The following NUP37 variants were observed in gnomAD, a reference collection of about 807,000 sequenced individuals.
NUP37 encodes nucleoporin 37.
A neutral mutation model predicts 45.4 loss-of-function variants in NUP37; 33 were observed. That is an observed-to-expected ratio of 0.73 (90% CI 0.55 to 0.97). NUP37 has a LOEUF of 0.97. NUP37 is among the 50% of genes least tolerant of loss of function. NUP37 has a pLI of 0.00. For missense variants in NUP37, 365 were observed against 389.7 expected (o/e 0.94, Z 0.53); for synonymous variants, 127 against 130.7 (o/e 0.97, Z 0.19).
intron 6 of NUP37, among the ~76,000 whole-genome samples, chr12:102,083,496 G>T (rs971848197): frequency 3.3e-5 from 5 of 152,234 alleles, no homozygotes; most frequent in African/African-American, 1.2e-4. Context: ...TGTGAAAGCT[G>T]CGAGAAGATT....
intron 6 of NUP37, among the ~76,000 whole-genome samples, chr12:102,079,984 G>A (rs1400034162): frequency 6.6e-6 from 1 of 152,152 alleles, no homozygotes; most frequent in African/African-American, 2.4e-5. Flanking sequence ...ATAAAGTTTA[G>A]TGAGGAGGGA....
At chr12:102,075,163 G>C (rs1879134505) in intron 8 of NUP37, 69 bp from the exon 9 acceptor site, 2 of 997,712 alleles carry the variant, frequency 2.0e-6, no homozygotes, top group South Asian at 1.7e-5. Context: ...TCTGAAGCGG[G>C]CTTTTTCTTT....
intron 2 of NUP37, chr12:102,115,653 T>C (rs561725888): frequency 5.4e-6 from 1 of 185,614 alleles, no homozygotes; most frequent in South Asian, 1.8e-4. Flanking sequence ...CAGAAGCTCA[T>C]ATGTCCATCA....
intron 2 of NUP37, among the ~76,000 whole-genome samples, chr12:102,117,994 C>T (rs951649317): frequency 6.6e-6 from 1 of 152,122 alleles, no homozygotes; most frequent in Non-Finnish European, 1.5e-5. Context: ...GTTTTTTGGG[C>T]TCTCAACATT....
At position 102,097,407 on chromosome 12, in the gene NUP37, GAGT is replaced by G. The variant is rs1308982936; in HGVS notation, c.449+1696_449+1698del. Among the ~76,000 whole-genome samples, 6 of 152,180 alleles carry G rather than the reference GAGT, an allele frequency of 3.9e-5. No individual in the cohort carries two copies. In the South Asian group the frequency reaches 1.2e-3, roughly 32 times the overall value. ...TTAGTTATTCCTTTCCTACTTTTTA[GAGT>G]AATAATGTCCTTTCTTTTACAAAAT... On this transcript the variant is annotated intron_variant, in intron 5 of 9. Transcript: ENST00000552283.
Position 102,085,756 on chromosome 12 carries a change from AAAT to A in NUP37, c.540+7_540+9del. ...CAATTTGATAAGAGAGTTAAATTAT[AAAT>A]AATAACCTTAAAAGTCTCCTCAGGA... On this transcript the variant is annotated splice_region_variant and intron_variant, in intron 6 of 9. Transcript: ENST00000552283. 7.4e-7 allele frequency: 1 copy of A among 1,349,572 alleles called. No individual in the cohort carries two copies. The highest frequency in any genetic ancestry group is 1.5e-5 in the African/African-American group (1 of 67,872). 83.6% of individuals were successfully genotyped at this position (1,349,572 alleles called of 1,614,324 possible).
Position 102,085,859 on chromosome 12 carries a change from A to T in NUP37, c.450-3T>A, listed in dbSNP as rs765888995. ...GCACTCCTTCCAAGTTCCAAATCCTAATAAAAGAATAACAGTATAATGTTA... is the reference window on the plus strand; with the variant it reads ...GCACTCCTTCCAAGTTCCAAATCCTTATAAAAGAATAACAGTATAATGTTA... On this transcript the variant is annotated splice_region_variant and splice_polypyrimidine_tract_variant and intron_variant, in intron 5 of 9. Transcript: ENST00000552283. The T allele has an allele frequency of 1.0e-5, 15 of 1,431,234 alleles. No individual in the cohort carries two copies. In the South Asian group the frequency reaches 1.6e-4, roughly 15 times the overall value. 88.7% of individuals were successfully genotyped at this position (1,431,234 alleles called of 1,614,324 possible). A position where few individuals can be genotyped will look rare whatever the true frequency, so the allele number is the denominator to read the frequency against.
At chr12:102,113,018 TC>T (rs1238657942) in intron 2 of NUP37, among the ~76,000 whole-genome samples, 1 of 152,184 alleles carries the variant, frequency 6.6e-6, no homozygotes, top group Non-Finnish European at 1.5e-5. Flanking sequence ...TTTCAGTTTA[TC>T]CTCACGGGAA....
intron 5 of NUP37, among the ~76,000 whole-genome samples, chr12:102,095,900 CA>C (rs1358733744): frequency 6.6e-6 from 1 of 152,058 alleles, no homozygotes; most frequent in Non-Finnish European, 1.5e-5. Flanking sequence ...ATACTCTACA[CA>C]ACTCATAAAT....
At chr12:102,076,419 A>G (rs1171816509) in intron 8 of NUP37, among the ~76,000 whole-genome samples, 7 of 152,234 alleles carry the variant, frequency 4.6e-5, no homozygotes, top group Admixed American at 4.6e-4. Context: ...AACATGTCGC[A>G]GAGATATACT....
At position 102,074,151 on chromosome 12, in the gene NUP37, T is replaced by A. The variant is rs199693601; in HGVS notation, c.*203A>T. On this transcript the variant is annotated 3_prime_UTR_variant, in exon 10 of 10. Coordinates refer to ENST00000552283, the MANE Select transcript of NUP37 (RefSeq NM_024057.4). ...CAATATGATTTTGTAAGATTAAAAA[T>A]ATATATATATACACACACAGAGAAC... 2 of 267,188 alleles carry A rather than the reference T, an allele frequency of 7.5e-6. No individual in the cohort carries two copies. Among genetic ancestry groups the A allele is most frequent in the South Asian group, 1.3e-4 (1 of 7,478 alleles). 16.6% of individuals were successfully genotyped at this position (267,188 alleles called of 1,614,324 possible). A position where few individuals can be genotyped will look rare whatever the true frequency, so the allele number is the denominator to read the frequency against.
intron 2 of NUP37, among the ~76,000 whole-genome samples, chr12:102,117,893 T>C (rs1282907771): frequency 6.6e-6 from 1 of 152,206 alleles, no homozygotes; most frequent in Non-Finnish European, 1.5e-5. Context: ...TATGACTCCA[T>C]ATTCTGCATA....
chr12:102,075,059 G>A lies in NUP37; in HGVS notation c.809C>T (p.Thr270Ile). ...GCTTGCCATTTTGCCAGGATAACCA[G>A]TGGTTGCAAACAGATTTTCACTAAT... Reference protein sequence around the residue: ...STISENLFATTGYPGKMASQF... With the variant: ...STISENLFATIGYPGKMASQF... The change falls in exon 9 of 10, where the codon ACT (threonine) becomes ATT (isoleucine). Residue 270 changes from threonine (T) to isoleucine (I), a missense_variant. Coordinates refer to ENST00000552283, the MANE Select transcript of NUP37 (RefSeq NM_024057.4). The A allele has an allele frequency of 6.2e-7, 1 of 1,611,024 alleles. No homozygotes were observed. Among genetic ancestry groups the A allele is most frequent in the Non-Finnish European group, 8.5e-7 (1 of 1,178,092 alleles).
chr12:102,075,281 T>C (rs1879137903), intron 8 of NUP37, among the ~76,000 whole-genome samples, 187 bp from the exon 9 acceptor site: 1 of 152,116 alleles, frequency 6.6e-6, no homozygotes, highest in Non-Finnish European at 1.5e-5. Context: ...GCTCAAGTGA[T>C]CTTCCCACCT....
At chr12:102,092,580 G>GT (rs532222880) in intron 5 of NUP37, among the ~76,000 whole-genome samples, 134 of 152,270 alleles carry the variant, frequency 8.8e-4, no homozygotes, top group African/African-American at 3.1e-3. Context: ...AAGTCGTGGT[G>GT]TATTTCCTTA....
intron 3 of NUP37, among the ~76,000 whole-genome samples, chr12:102,103,397 T>C (rs1167252806): frequency 1.3e-5 from 2 of 152,202 alleles, no homozygotes; most frequent in Non-Finnish European, 2.9e-5. Flanking sequence ...AGTTCATTGT[T>C]AGTATATTAG....
Position 102,085,768 on chromosome 12 carries a change from TA to T in NUP37, c.537del (p.Phe179LeufsTer3). Reference sequence around the variant, plus strand: ...AGAGTTAAATTATAAATAATAACCTTAAAAGTCTCCTCAGGATGCCAGCACA... The same window carrying T: ...AGAGTTAAATTATAAATAATAACCTTAAAGTCTCCTCAGGATGCCAGCACA... ...MSVCWHPEET[F>X]KLMVAEKNGT... On this transcript the variant is annotated frameshift_variant, in exon 6 of 10. Transcript: ENST00000552283. LOFTEE classifies it high-confidence loss of function. 1 of 1,509,430 alleles carries T rather than the reference TA, an allele frequency of 6.6e-7. No individual in the cohort carries two copies. The highest frequency in any genetic ancestry group is 9.1e-7 in the Non-Finnish European group (1 of 1,094,198). 93.5% of individuals were successfully genotyped at this position (1,509,430 alleles called of 1,614,324 possible). A position where few individuals can be genotyped will look rare whatever the true frequency, so the allele number is the denominator to read the frequency against.
At chr12:102,104,722 A>G (rs2136745927) in intron 3 of NUP37, among the ~76,000 whole-genome samples, 1 of 152,338 alleles carries the variant, frequency 6.6e-6, no homozygotes, top group African/African-American at 2.4e-5. Flanking sequence ...CCCATTGTGT[A>G]GCCTTGGAAC....
Position 102,112,093 on chromosome 12 carries a change from T to C in NUP37, c.281+15A>G, listed in dbSNP as rs1381118041. On this transcript the variant is annotated intron_variant, in intron 3 of 9. Coordinates refer to ENST00000552283, the MANE Select transcript of NUP37 (RefSeq NM_024057.4). ...GTACATTAGTAAGGAATGCATTTGG[T>C]ACTGTTAAACTTACTTGATTACTGG... is the stretch of plus-strand genomic sequence containing the variant. 1.2e-6 allele frequency: 2 copies of C among 1,611,764 alleles called. No individual in the cohort carries two copies. The highest frequency in any genetic ancestry group is 1.7e-6 in the Non-Finnish European group (2 of 1,178,380).
Sources: gnomAD v4.1 joint callset for allele counts (sites outside exome capture counted in the v4.1 genomes callset) on GRCh38, gnomAD v4.1.1 for gene constraint, MANE v1.5 for transcripts, NCBI Gene and HGNC (gene_info 2026-07-23, HGNC 2026-07-21) for gene names.